The following TUT7 variants were observed in gnomAD, a reference collection of about 807,000 sequenced individuals.
The protein encoded by TUT7 is terminal uridylyl transferase 7.
In TUT7, 33 loss-of-function variants were observed where a neutral mutation model predicts 165.9. The observed-to-expected ratio is 0.20, with a 90% CI of 0.15 to 0.27. The LOEUF is 0.27. TUT7 is among the 10% of genes least tolerant of loss of function. The pLI is 1.00. For missense variants in TUT7, 1,338 were observed against 1,762.3 expected, an observed-to-expected ratio of 0.76 and a Z score of 4.31; for synonymous variants, 552 against 608.1, an observed-to-expected ratio of 0.91 and a Z score of 1.36.
intron 9 of TUT7, among the ~76,000 whole-genome samples, chr9:86,337,901 A>C (rs1026519303): frequency 6.6e-6 from 1 of 152,206 alleles, no homozygotes; most frequent in Non-Finnish European, 1.5e-5. Flanking sequence ...AGCCAGTTCA[A>C]TGGTCCTCTT....
chr9:86,312,980 C>A (rs573614996), intron 17 of TUT7, among the ~76,000 whole-genome samples: 10 of 152,062 alleles, frequency 6.6e-5, no homozygotes, highest in Admixed American at 2.6e-4. Flanking sequence ...CTGCAGAAGG[C>A]CGCAGGGTCC....
chr9:86,292,983 T>C (rs1222015583), intron 26 of TUT7, among the ~76,000 whole-genome samples: 2 of 152,104 alleles, frequency 1.3e-5, no homozygotes, highest in South Asian at 2.1e-4. Context: ...AATATTTGCA[T>C]GTAAAAAAAC....
intron 26 of TUT7, among the ~76,000 whole-genome samples, chr9:86,297,783 AAT>A (rs1826466972): frequency 6.6e-6 from 1 of 152,082 alleles, no homozygotes; most frequent in South Asian, 2.1e-4. Flanking sequence ...AAAACCCTAC[AAT>A]AGTCTCTCAT....
intron 26 of TUT7, among the ~76,000 whole-genome samples, chr9:86,296,653 T>G (rs1826352119): frequency 6.6e-6 from 1 of 152,216 alleles, no homozygotes. Context: ...ACACCAATTT[T>G]ATAGATGACA....
intron 10 of TUT7, among the ~76,000 whole-genome samples, chr9:86,333,628 T>C (rs367681159): frequency 6.6e-6 from 1 of 152,328 alleles, no homozygotes; most frequent in Non-Finnish European, 1.5e-5. Context: ...ATGTTGTCCA[T>C]TTTTTCCATT....
At chr9:86,302,640 A>C (rs1827048378) in intron 25 of TUT7, among the ~76,000 whole-genome samples, 1 of 129,366 alleles carries the variant, frequency 7.7e-6, no homozygotes, top group Non-Finnish European at 1.6e-5. Flanking sequence ...TTTCTGAGAC[A>C]GAATCTTGCT....
In TUT7 at chr9:86,322,425, C is replaced by T. The variant is rs1212082649; in HGVS notation, c.2928G>A (p.Lys976=). The T allele has an allele frequency of 1.9e-6, 3 of 1,613,896 alleles. No individual in the cohort carries two copies. Among genetic ancestry groups the T allele is most frequent in the Admixed American group, 3.3e-5 (2 of 59,994 alleles). ...SLCKREGHLK[K]DCPEDFKRIQ... ...TTCTTTTGAAGTCTTCAGGACAGTC[C>T]TTCTTTAGATGACCCTCTCGTTTGC... Residue 976 remains lysine, a synonymous_variant, in exon 14 of 27, where the codon AAG becomes AAA. Coordinates refer to ENST00000375963, the MANE Select transcript of TUT7 (RefSeq NM_024617.4).
At chr9:86,334,094 C>T (rs1344802647) in intron 10 of TUT7, among the ~76,000 whole-genome samples, 1 of 151,786 alleles carries the variant, frequency 6.6e-6, no homozygotes. Flanking sequence ...TCCCAGTTCT[C>T]CTACTACCAC....
chr9:86,315,874 ATTTT>A (rs1190462009), intron 17 of TUT7, among the ~76,000 whole-genome samples: 1 of 152,038 alleles, frequency 6.6e-6, no homozygotes, highest in East Asian at 1.9e-4. Flanking sequence ...CAAAATTAAG[ATTTT>A]TTTTCCTCCT....
chr9:86,325,923 G>T (rs947622135), intron 11 of TUT7, among the ~76,000 whole-genome samples: 4 of 152,134 alleles, frequency 2.6e-5, no homozygotes, highest in African/African-American at 9.7e-5. Flanking sequence ...GTAGCTAAAG[G>T]CATAGAGAAA....
At chr9:86,324,498 T>C (rs999140081) in intron 12 of TUT7, 6 of 152,690 alleles carry the variant, frequency 3.9e-5, no homozygotes, top group African/African-American at 1.4e-4. Flanking sequence ...GGTTAGGCAA[T>C]TGGCCAGAAG....
intron 14 of TUT7, among the ~76,000 whole-genome samples, chr9:86,321,678 G>A (rs1829311050): frequency 6.6e-6 from 1 of 152,056 alleles, no homozygotes. Flanking sequence ...GTGGAGAGCT[G>A]ATATTGCGCC....
At chr9:86,298,109 A>T (rs1439387472) in intron 26 of TUT7, among the ~76,000 whole-genome samples, 1 of 151,940 alleles carries the variant, frequency 6.6e-6, no homozygotes, top group African/African-American at 2.4e-5. Flanking sequence ...ACTTTACCAG[A>T]GATGCTGCCT....
At chr9:86,328,094 C>T (rs1829962687) in intron 11 of TUT7, among the ~76,000 whole-genome samples, 1 of 152,140 alleles carries the variant, frequency 6.6e-6, no homozygotes, top group African/African-American at 2.4e-5. Flanking sequence ...ATGGATTTAC[C>T]TTTGAATTCT....
intron 26 of TUT7, among the ~76,000 whole-genome samples, chr9:86,294,883 T>G (rs556941760): frequency 4.5e-4 from 69 of 151,964 alleles, no homozygotes; most frequent in African/African-American, 1.4e-3. Context: ...AAAAAGTAAT[T>G]TTTAATTAAA....
At chr9:86,342,158 G>A (rs970795838) in intron 6 of TUT7, among the ~76,000 whole-genome samples, 1 of 152,012 alleles carries the variant, frequency 6.6e-6, no homozygotes, top group African/African-American at 2.4e-5. Flanking sequence ...AACCTCTGGG[G>A]CCCCAGAATC....
chr9:86,304,457 G>A (rs1015116356), intron 24 of TUT7, among the ~76,000 whole-genome samples: 4 of 152,140 alleles, frequency 2.6e-5, no homozygotes, highest in Non-Finnish European at 5.9e-5. Flanking sequence ...CCTAGTCCCA[G>A]CAAAAGATTT....
Position 86,310,761 on chromosome 9 carries a change from T to G in TUT7, c.3323A>C (p.Lys1108Thr). ...PITTAKVPIV[K>T]FFHLRSGLEV... ...CAGACCACTTCTCAAATGGAAGAACTTCACAATTGGCACCTTTGCTGTTGT... is the reference window on the plus strand; with the variant it reads ...CAGACCACTTCTCAAATGGAAGAACGTCACAATTGGCACCTTTGCTGTTGT... Residue 1108 changes from lysine to threonine, a missense_variant, in exon 18 of 27, where the codon AAG becomes ACG. By Grantham distance (78) the Lys-to-Thr change is moderately conservative. Coordinates refer to ENST00000375963, the MANE Select transcript of TUT7 (RefSeq NM_024617.4). 6.2e-7 allele frequency: 1 copy of G among 1,613,612 alleles called. No individual in the cohort carries two copies. Among genetic ancestry groups the G allele is most frequent in the Non-Finnish European group, 8.5e-7 (1 of 1,179,526 alleles).
chr9:86,323,963 G>A lies in TUT7; in HGVS notation c.1790-3C>T. On this transcript the variant is annotated splice_region_variant and splice_polypyrimidine_tract_variant and intron_variant, in intron 12 of 26. Transcript: ENST00000375963. ...ATTTCTTTTAACAGAGTAGGGATCT[G>A]TAATAAAAAAAAGAAAGAAAGAAAA... The A allele has an allele frequency of 6.6e-7, 1 of 1,520,878 alleles. No individual in the cohort carries two copies. Among genetic ancestry groups the A allele is most frequent in the African/African-American group, 1.4e-5 (1 of 71,242 alleles). 94.2% of individuals were successfully genotyped at this position (1,520,878 alleles called of 1,614,324 possible). A position where few individuals can be genotyped will look rare whatever the true frequency, so the allele number is the denominator to read the frequency against.
Sources: gnomAD v4.1 joint callset for allele counts (sites outside exome capture counted in the v4.1 genomes callset) on GRCh38, gnomAD v4.1.1 for gene constraint, MANE v1.5 for transcripts, NCBI Gene and HGNC (gene_info 2026-07-23, HGNC 2026-07-21) for gene names.